The following TBX15 variants were observed in gnomAD, a reference collection of about 807,000 sequenced individuals.
TBX15 encodes T-box transcription factor TBX15.
A neutral mutation model predicts 53.9 loss-of-function variants in TBX15; 18 were observed. The ratio of observed to expected loss-of-function variants is 0.33; its 90% CI spans 0.23 to 0.49. The LOEUF is 0.49. Ranked by LOEUF, TBX15 falls within the 20% of genes least tolerant of loss-of-function variation. TBX15 has a pLI of 0.98. For missense variants in TBX15, 692 were observed against 749.5 expected, an observed-to-expected ratio of 0.92 and a Z score of 0.90; for synonymous variants, 295 against 278.0, an observed-to-expected ratio of 1.06 and a Z score of -0.61.
Position 118,885,001 on chromosome 1 carries a change from G to A in TBX15, c.1540C>T (p.Pro514Ser). 1 of 1,614,152 alleles carries A rather than the reference G, an allele frequency of 6.2e-7. No individual in the cohort carries two copies. The highest frequency in any genetic ancestry group is 8.5e-7 in the Non-Finnish European group (1 of 1,180,032). ...SSYNAFSLHN[P>S]YNLYGYNFPT... is the part of the protein sequence containing the mutation. ...AAATTGTATCCATACAGGTTGTAAG[G>A]GTTGTGAAGGGAGAAGGCATTGTAG... The change falls in exon 8 of 8, where the codon CCT (proline) becomes TCT (serine). Residue 514 changes from proline to serine, a missense_variant. Pro to Ser is a moderately conservative substitution (Grantham distance 74). Around this residue, in one of 3 missense-constraint regions of TBX15, gnomAD observed 375 missense variants for 371.6 expected, o/e 1.01. Coordinates refer to ENST00000369429, the MANE Select transcript of TBX15 (RefSeq NM_001330677.2).
intron 1 of TBX15, among the ~76,000 whole-genome samples, chr1:118,949,931 G>A (rs1656462981): frequency 6.6e-6 from 1 of 152,216 alleles, no homozygotes; most frequent in Admixed American, 6.5e-5. Context: ...CTTCTTTTAT[G>A]TGATCCATAG....
At chr1:118,889,257 C>T (rs1202268038) in intron 7 of TBX15, among the ~76,000 whole-genome samples, 1 of 152,222 alleles carries the variant, frequency 6.6e-6, no homozygotes, top group Non-Finnish European at 1.5e-5. Flanking sequence ...TTGCAGAGAA[C>T]AAACCGAGAT....
chr1:118,914,092 G>A (rs900464087), intron 6 of TBX15, 23 bp downstream of exon 6: 4 of 1,612,440 alleles, frequency 2.5e-6, no homozygotes, highest in South Asian at 1.1e-5. Context: ...GAAAAGAAGT[G>A]CCTCTTCCCC....
At chr1:118,912,633 G>T (rs1044181198) in intron 6 of TBX15, among the ~76,000 whole-genome samples, 1 of 152,078 alleles carries the variant, frequency 6.6e-6, no homozygotes. Flanking sequence ...GGAAAAAAAG[G>T]CAATAGGAAA....
chr1:118,917,825 C>T lies in TBX15; in HGVS notation c.862-3646G>A, dbSNP rs554524889. On this transcript the variant is annotated intron_variant, in intron 5 of 7. Coordinates refer to ENST00000369429, the MANE Select transcript of TBX15 (RefSeq NM_001330677.2). ...TGTCATTCTCTTTAGTGGCCACTAC[C>T]GCTCAGAATTTAATCCAAATTCCTT... 3.9e-5 allele frequency among the ~76,000 whole-genome samples: 6 copies of T among 152,240 alleles called. No homozygotes were observed. In the South Asian group the frequency reaches 6.2e-4, roughly 16 times the overall value.
rs1255894261 is a variant in TBX15, at chr1:118,883,171, C to G, written c.*1561G>C. On this transcript the variant is annotated 3_prime_UTR_variant, in exon 8 of 8. Coordinates refer to ENST00000369429, the MANE Select transcript of TBX15 (RefSeq NM_001330677.2). ...TATTTTACATACCCTTTTATTGCCCCCTTTTTCATATTCATAATATTGGAT... is the reference window on the plus strand; with the variant it reads ...TATTTTACATACCCTTTTATTGCCCGCTTTTTCATATTCATAATATTGGAT... 6.6e-6 allele frequency: 1 copy of G among 152,532 alleles called. No homozygotes were observed. Among genetic ancestry groups the G allele is most frequent in the African/African-American group, 2.4e-5 (1 of 41,422 alleles). 9.4% of individuals were successfully genotyped at this position (152,532 alleles called of 1,614,324 possible). A position where few individuals can be genotyped will look rare whatever the true frequency, so the allele number is the denominator to read the frequency against.
At chr1:118,981,527 T>C (rs769699738) in intron 1 of TBX15, among the ~76,000 whole-genome samples, 2 of 152,236 alleles carry the variant, frequency 1.3e-5, no homozygotes, top group Non-Finnish European at 2.9e-5. Context: ...ATTAAAAGTA[T>C]AAAATGAAAA....
At chr1:118,968,592 T>C (rs928094567) in intron 1 of TBX15, among the ~76,000 whole-genome samples, 6 of 152,194 alleles carry the variant, frequency 3.9e-5, no homozygotes, top group Non-Finnish European at 8.8e-5. Context: ...CACATATATA[T>C]TGCGAATATA....
At chr1:118,951,690 A>G (rs1656518882) in intron 1 of TBX15, among the ~76,000 whole-genome samples, 1 of 152,188 alleles carries the variant, frequency 6.6e-6, no homozygotes, top group Non-Finnish European at 1.5e-5. Context: ...AAAGGTCACC[A>G]TTAACCTGGG....
chr1:118,960,824 G>C (rs1242293020), intron 1 of TBX15, among the ~76,000 whole-genome samples: 2 of 152,136 alleles, frequency 1.3e-5, no homozygotes, highest in Non-Finnish European at 2.9e-5. Flanking sequence ...GAGGAGGGAG[G>C]GCAGAGTCGA....
intron 7 of TBX15, among the ~76,000 whole-genome samples, chr1:118,889,792 G>A (rs1355338600): frequency 8.3e-6 from 1 of 120,058 alleles, no homozygotes; most frequent in Non-Finnish European, 1.7e-5. Flanking sequence ...CTGGCACATA[G>A]GCATTAATTT....
At chr1:118,893,629 A>AAGAGAG (rs1557873112) in intron 7 of TBX15, among the ~76,000 whole-genome samples, 4 of 148,858 alleles carry the variant, frequency 2.7e-5, no homozygotes, top group African/African-American at 7.8e-5. Context: ...GAGAGAAAGA[A>AAGAGAG]AAAGAAAGAA....
intron 7 of TBX15, among the ~76,000 whole-genome samples, chr1:118,887,293 T>G (rs2101435845): frequency 6.6e-6 from 1 of 152,328 alleles, no homozygotes; most frequent in South Asian, 2.1e-4. Flanking sequence ...TTTGGGACTC[T>G]TAGAAGCTGA....
intron 5 of TBX15, among the ~76,000 whole-genome samples, chr1:118,917,074 T>C (rs544457066): frequency 2.7e-4 from 41 of 152,258 alleles, no homozygotes; most frequent in Non-Finnish European, 5.3e-4. Flanking sequence ...ACTGGATATA[T>C]ACCCAAATAA....
intron 6 of TBX15, among the ~76,000 whole-genome samples, chr1:118,906,321 G>T (rs1654825854): frequency 1.3e-5 from 2 of 152,152 alleles, no homozygotes; most frequent in Non-Finnish European, 2.9e-5. Context: ...TTTTAACGGA[G>T]ATCCTCTGTA....
chr1:118,932,378 G>T (rs878970467), intron 1 of TBX15, among the ~76,000 whole-genome samples: 1 of 152,166 alleles, frequency 6.6e-6, no homozygotes, highest in Non-Finnish European at 1.5e-5. Context: ...GTAATGAAAA[G>T]CTGCTTGGGA....
intron 1 of TBX15, among the ~76,000 whole-genome samples, chr1:118,934,044 G>C (rs1030851926): frequency 6.6e-6 from 1 of 152,086 alleles, no homozygotes. Flanking sequence ...TTGGAATTGG[G>C]ACTACGGCTA....
intron 1 of TBX15, among the ~76,000 whole-genome samples, chr1:118,946,186 T>C (rs940467992): frequency 2.0e-5 from 3 of 152,180 alleles, no homozygotes; most frequent in African/African-American, 7.2e-5. Flanking sequence ...TATCAGAATA[T>C]TTTATATGAC....
At chr1:118,920,319 G>T (rs1401425986) in intron 5 of TBX15, among the ~76,000 whole-genome samples, 6 of 152,160 alleles carry the variant, frequency 3.9e-5, no homozygotes, top group African/African-American at 1.4e-4. Flanking sequence ...CTGAAAAAAG[G>T]AAAGGAAGTG....
Sources: gnomAD v4.1 joint callset for allele counts (sites outside exome capture counted in the v4.1 genomes callset) on GRCh38, gnomAD v4.1.1 for gene constraint, gnomAD v4.1.1 regional missense constraint, MANE v1.5 for transcripts, NCBI Gene and HGNC (gene_info 2026-07-23, HGNC 2026-07-21) for gene names.